TCF4: variants seen among roughly 807,000 people sequenced by gnomAD.
TCF4 encodes transcription factor 4.
In TCF4, 3 loss-of-function variants were observed where a neutral mutation model predicts 82.1. The observed-to-expected ratio is 0.04, with a 90% CI of 0.02 to 0.09. The LOEUF is 0.09. Ranked by LOEUF, TCF4 falls within the 10% of genes least tolerant of loss-of-function variation. The pLI is 1.00. For synonymous variants in TCF4, 276 were observed against 309.6 expected, an observed-to-expected ratio of 0.89 and a Z score of 1.14; for missense variants, 518 against 852.7, an observed-to-expected ratio of 0.61 and a Z score of 4.89.
chr18:55,402,428 T>C (rs1603447652), intron 6 of TCF4, among the ~76,000 whole-genome samples: 1 of 152,054 alleles, frequency 6.6e-6, no homozygotes, highest in African/African-American at 2.4e-5. Context: ...AATAGATTTT[T>C]TTCCCCCATC....
At chr18:55,499,487 CT>C (rs1415734458) in intron 3 of TCF4, among the ~76,000 whole-genome samples, 1 of 152,186 alleles carries the variant, frequency 6.6e-6, no homozygotes, top group Non-Finnish European at 1.5e-5. Flanking sequence ...GAAAACTAGA[CT>C]TTTTCAGCTA....
At chr18:55,410,252 T>C (rs548789881) in intron 5 of TCF4, among the ~76,000 whole-genome samples, 3 of 152,290 alleles carry the variant, frequency 2.0e-5, no homozygotes, top group African/African-American at 4.8e-5. Context: ...TAATGGCCTA[T>C]AGCTCTGATC....
intron 3 of TCF4, among the ~76,000 whole-genome samples, chr18:55,547,854 T>C (rs2097219993): frequency 6.6e-6 from 1 of 152,040 alleles, no homozygotes; most frequent in African/African-American, 2.4e-5. Context: ...AAAACAAAGA[T>C]GAGGCCATAA....
At chr18:55,626,718 TAATA>T (rs1040844043) in intron 2 of TCF4, among the ~76,000 whole-genome samples, 16 of 152,326 alleles carry the variant, frequency 1.1e-4, no homozygotes, top group African/African-American at 3.6e-4. Flanking sequence ...AAGATATCTC[TAATA>T]TTTCCTGAAG....
chr18:55,339,675 A>T (rs2079406822), intron 8 of TCF4, among the ~76,000 whole-genome samples: 1 of 151,718 alleles, frequency 6.6e-6, no homozygotes, highest in Non-Finnish European at 1.5e-5. Context: ...TTCCGCTCAC[A>T]CCTCCCCCCT....
chr18:55,381,979 G>A (rs1169522292), intron 6 of TCF4, among the ~76,000 whole-genome samples: 3 of 151,884 alleles, frequency 2.0e-5, no homozygotes, highest in South Asian at 4.1e-4. Flanking sequence ...ACTGGACTAG[G>A]TGAGAATACT....
Position 55,459,069 on chromosome 18 carries a change from T to G in TCF4, c.304+1950A>C, listed in dbSNP as rs192980309. On this transcript the variant is annotated intron_variant, in intron 5 of 19. Transcript: ENST00000354452. ...AAGTCCTTTCACTGGGAACAGTGGG[T>G]GGGGGCCTCGTGGACATAGTAGCAT... Among the ~76,000 whole-genome samples the G allele has an allele frequency of 2.5e-4, 38 of 152,204 alleles. No individual in the cohort carries two copies. In the East Asian group the frequency reaches 7.0e-3, roughly 28 times the overall value.
chr18:55,244,543 T>C lies in TCF4; in HGVS notation c.1351-9860A>G, dbSNP rs142394088. Among the ~76,000 whole-genome samples, 473 of 152,334 alleles carry C rather than the reference T, an allele frequency of 3.1e-3. 4 individuals carry two copies. The highest frequency in any genetic ancestry group is 0.011 in the African/African-American group (451 of 41,570). On this transcript the variant is annotated intron_variant, in intron 15 of 19. Transcript: ENST00000354452. ...TAGTGCACTTACTTATTAATACTTA[T>C]AGCCGTGTCCTAAATAAAGGAGCAA...
intron 6 of TCF4, among the ~76,000 whole-genome samples, chr18:55,370,629 G>A (rs2088826401): frequency 6.6e-6 from 1 of 152,094 alleles, no homozygotes; most frequent in Non-Finnish European, 1.5e-5. Context: ...ACTTTAGGAT[G>A]CTCAGACTGT....
At chr18:55,613,674 C>A (rs920217339) in intron 2 of TCF4, among the ~76,000 whole-genome samples, 1 of 152,094 alleles carries the variant, frequency 6.6e-6, no homozygotes, top group African/African-American at 2.4e-5. Flanking sequence ...AGAGCAAGAG[C>A]AAAGGGGGAA....
At chr18:55,255,281 C>T (rs577784887) in intron 14 of TCF4, among the ~76,000 whole-genome samples, 1 of 152,034 alleles carries the variant, frequency 6.6e-6, no homozygotes, top group Non-Finnish European at 1.5e-5. Flanking sequence ...TGGTGGTATG[C>T]GTGTAAGGGC....
intron 3 of TCF4, among the ~76,000 whole-genome samples, chr18:55,544,914 A>T (rs567431089): frequency 6.6e-6 from 1 of 152,338 alleles, no homozygotes; most frequent in East Asian, 1.9e-4. Context: ...TTTCTAGAGT[A>T]CTACCACAGC....
At chr18:55,438,461 C>T (rs2095375264) in intron 5 of TCF4, among the ~76,000 whole-genome samples, 1 of 152,114 alleles carries the variant, frequency 6.6e-6, no homozygotes, top group African/African-American at 2.4e-5. Context: ...AACTGCAACT[C>T]ACTCTACATA....
At chr18:55,585,380 T>A in intron 2 of TCF4, 28 bp from the exon 3 acceptor site, 1 of 1,601,928 alleles carries the variant, frequency 6.2e-7, no homozygotes, top group East Asian at 2.2e-5. Context: ...ATATTACAGT[T>A]GAAAAGAAGA....
chr18:55,575,306 A>G (rs958623478), intron 3 of TCF4, among the ~76,000 whole-genome samples: 4 of 152,210 alleles, frequency 2.6e-5, no homozygotes, highest in African/African-American at 9.6e-5. Context: ...GGCACATAAC[A>G]AAGAACAATT....
intron 3 of TCF4, chr18:55,550,211 G>A (rs936645150): frequency 2.0e-5 from 3 of 152,130 alleles, no homozygotes; most frequent in African/African-American, 7.2e-5. Context: ...AACAAGTGCT[G>A]CAAGCAAAAA....
At chr18:55,608,380 T>C (rs2097704112) in intron 2 of TCF4, among the ~76,000 whole-genome samples, 1 of 151,136 alleles carries the variant, frequency 6.6e-6, no homozygotes, top group African/African-American at 2.4e-5. Context: ...TTTTTTTTTT[T>C]TTTTTTTTTT....
intron 2 of TCF4, among the ~76,000 whole-genome samples, chr18:55,603,016 C>T (rs142101204): frequency 6.6e-6 from 1 of 152,080 alleles, no homozygotes; most frequent in South Asian, 2.1e-4. Context: ...AAGATGAAAG[C>T]TTTACAGTTG....
intron 10 of TCF4, among the ~76,000 whole-genome samples, chr18:55,272,395 G>C (rs1033367102): frequency 2.6e-5 from 4 of 151,974 alleles, no homozygotes; most frequent in Admixed American, 1.3e-4. Context: ...GGTCCTCTTA[G>C]TCTCTTACTC....
Sources: gnomAD v4.1 joint callset for allele counts (sites outside exome capture counted in the v4.1 genomes callset) on GRCh38, gnomAD v4.1.1 for gene constraint, MANE v1.5 for transcripts, NCBI Gene and HGNC (gene_info 2026-07-23, HGNC 2026-07-21) for gene names.